Variants in KCNIP4 observed in about 807,000 individuals in gnomAD.
KCNIP4 encodes potassium voltage-gated channel interacting protein 4.
A neutral mutation model predicts 34.0 loss-of-function variants in KCNIP4; 12 were observed. The ratio of observed to expected loss-of-function variants is 0.35; its 90% CI spans 0.23 to 0.57. The LOEUF is 0.57. Among genes scored for constraint, KCNIP4 ranks in the 20% least tolerant of loss-of-function variants. KCNIP4 has a pLI of 0.83. For missense variants in KCNIP4, 238 were observed against 311.7 expected (o/e 0.76, Z 1.78); for synonymous variants, 124 against 102.2 (o/e 1.21, Z -1.29).
intron 1 of KCNIP4, among the ~76,000 whole-genome samples, chr4:21,918,981 A>G (rs1728796406): frequency 1.3e-5 from 2 of 152,084 alleles, no homozygotes; most frequent in South Asian, 4.1e-4. Flanking sequence ...CCCAGTAGGG[A>G]CCATGGAGAA....
intron 1 of KCNIP4, among the ~76,000 whole-genome samples, chr4:21,587,785 G>T (rs562996380): frequency 1.5e-4 from 23 of 151,932 alleles, no homozygotes; most frequent in Admixed American, 3.3e-4. Flanking sequence ...TTGGAGAAAG[G>T]GTACAGAAAT....
At chr4:21,210,921 G>A (rs897707204) in intron 1 of KCNIP4, among the ~76,000 whole-genome samples, 2 of 152,108 alleles carry the variant, frequency 1.3e-5, no homozygotes, top group African/African-American at 4.8e-5. Context: ...AACTGATGAT[G>A]CCCACTTATA....
intron 1 of KCNIP4, among the ~76,000 whole-genome samples, chr4:21,562,977 G>T (rs765599444): frequency 5.3e-5 from 8 of 151,958 alleles, no homozygotes; most frequent in Non-Finnish European, 1.0e-4. Context: ...TCTTACAAGG[G>T]TAATGCATTT....
intron 1 of KCNIP4, among the ~76,000 whole-genome samples, chr4:20,884,551 A>T (rs1431803138): frequency 6.6e-6 from 1 of 150,660 alleles, no homozygotes; most frequent in Non-Finnish European, 1.5e-5. Context: ...TCCTTTGCAA[A>T]CTCCTCCAGG....
chr4:21,867,967 T>C (rs1725533052), intron 1 of KCNIP4, among the ~76,000 whole-genome samples: 1 of 152,168 alleles, frequency 6.6e-6, no homozygotes, highest in Non-Finnish European at 1.5e-5. Flanking sequence ...TCAGTTACCT[T>C]AGTTTTAAAA....
intron 1 of KCNIP4, among the ~76,000 whole-genome samples, chr4:21,746,680 C>CA (rs200443248): frequency 1.3e-3 from 197 of 147,860 alleles, no homozygotes; most frequent in Middle Eastern, 3.5e-3. Flanking sequence ...TTCATAATAC[C>CA]AAAAAAAAAA....
At chr4:21,065,727 T>A (rs28626816) in intron 1 of KCNIP4, among the ~76,000 whole-genome samples, 411 of 6,824 alleles carry the variant, frequency 0.06, 7 homozygotes, top group African/African-American at 0.14. Flanking sequence ...ATCATTTGTC[T>A]ATATATATAT....
chr4:21,661,243 C>T (rs1381785407), intron 1 of KCNIP4, among the ~76,000 whole-genome samples: 1 of 152,158 alleles, frequency 6.6e-6, no homozygotes, highest in Non-Finnish European at 1.5e-5. Flanking sequence ...ATAAAATCCC[C>T]ACATTCACCA....
rs1718147129 is a variant in KCNIP4 at position 21,762,781 on chromosome 4, C to CTT, written c.61+185789_61+185790insAA. 4 of 481,114 alleles carry CTT rather than the reference C, an allele frequency of 8.3e-6. No individual in the cohort carries two copies. In the South Asian group the frequency reaches 9.3e-5, roughly 11 times the overall value. The allele number at this position is 481,114 out of a possible 1,614,324, so 29.8% of individuals were successfully genotyped here. A position where few individuals can be genotyped will look rare whatever the true frequency, so the allele number is the denominator to read the frequency against. The stretch of plus-strand genomic sequence containing the variant: ...AGACTCTTCCACGAGTCATCAAAAC[C>CTT]ATCTTCCAGTCATGACTCTTCTTTA... On this transcript the variant is annotated intron_variant, in intron 1 of 8. Coordinates refer to ENST00000382152, the MANE Select transcript of KCNIP4 (RefSeq NM_025221.6).
chr4:21,521,324 T>G (rs565448852), intron 1 of KCNIP4, among the ~76,000 whole-genome samples: 64 of 152,282 alleles, frequency 4.2e-4, no homozygotes, highest in African/African-American at 1.3e-3. Flanking sequence ...AATGATAGAA[T>G]AGTCCCTTTA....
intron 1 of KCNIP4, among the ~76,000 whole-genome samples, chr4:21,131,469 G>T (rs996125588): frequency 6.6e-6 from 1 of 152,082 alleles, no homozygotes; most frequent in Non-Finnish European, 1.5e-5. Flanking sequence ...AATTAGCTGG[G>T]CATGCTGGCG....
chr4:21,340,555 G>C (rs1716652978), intron 1 of KCNIP4, among the ~76,000 whole-genome samples: 1 of 151,976 alleles, frequency 6.6e-6, no homozygotes, highest in African/African-American at 2.4e-5. Flanking sequence ...TGGTATAACT[G>C]CCACTGAGAT....
intron 1 of KCNIP4, among the ~76,000 whole-genome samples, chr4:21,213,683 G>A (rs1757381519): frequency 6.6e-6 from 1 of 152,038 alleles, no homozygotes; most frequent in Admixed American, 6.6e-5. Flanking sequence ...GGGATTACAG[G>A]CATAAACCAC....
At chr4:21,154,297 A>G (rs1372229991) in intron 1 of KCNIP4, among the ~76,000 whole-genome samples, 1 of 152,320 alleles carries the variant, frequency 6.6e-6, no homozygotes, top group East Asian at 1.9e-4. Context: ...CATAAATGAC[A>G]CAAATATGTA....
chr4:20,996,702 T>C (rs1032643437), intron 1 of KCNIP4, among the ~76,000 whole-genome samples: 1 of 152,186 alleles, frequency 6.6e-6, no homozygotes, highest in African/African-American at 2.4e-5. Flanking sequence ...CTGGTTCCTC[T>C]TGATCAAATT....
At chr4:21,391,527 T>C (rs1382766307) in intron 1 of KCNIP4, among the ~76,000 whole-genome samples, 2 of 152,122 alleles carry the variant, frequency 1.3e-5, no homozygotes, top group African/African-American at 4.8e-5. Context: ...ATGCACATCT[T>C]TGATGCTCCC....
chr4:21,054,864 C>T (rs1488427259), intron 1 of KCNIP4, among the ~76,000 whole-genome samples: 4 of 152,048 alleles, frequency 2.6e-5, no homozygotes, highest in African/African-American at 7.2e-5. Flanking sequence ...ATGGTAATGA[C>T]ATTTTAGATA....
chr4:20,803,200 A>T (rs1714580509), intron 3 of KCNIP4, among the ~76,000 whole-genome samples: 1 of 151,954 alleles, frequency 6.6e-6, no homozygotes, highest in African/African-American at 2.4e-5. Context: ...GCCTACATTA[A>T]AAAAAGAAGA....
intron 1 of KCNIP4, among the ~76,000 whole-genome samples, chr4:21,455,810 TATATATA>T (rs1728887377): frequency 0.01 from 691 of 67,992 alleles, 55 homozygotes; most frequent in African/African-American, 0.011. Flanking sequence ...CAGATATTCA[TATATATA>T]TATATATATA....
Sources: allele counts gnomAD v4.1 joint callset (sites outside exome capture counted in the v4.1 genomes callset), GRCh38; gene constraint gnomAD v4.1.1; transcripts MANE v1.5; gene names NCBI Gene and HGNC (gene_info 2026-07-23, HGNC 2026-07-21).